The following SHANK2 variants were observed in gnomAD, a reference collection of about 807,000 sequenced individuals.
The protein encoded by SHANK2 is SH3 and multiple ankyrin repeat domains protein 2.
In SHANK2, 43 loss-of-function variants were observed where a neutral mutation model predicts 133.7. That is an observed-to-expected ratio of 0.32 (90% CI 0.25 to 0.41). The LOEUF (loss-of-function observed/expected upper bound fraction) is 0.41, where lower values mean the gene tolerates loss of function less well. Among genes scored for constraint, SHANK2 ranks in the 10% least tolerant of loss-of-function variants. The pLI, the probability that SHANK2 is intolerant of heterozygous loss-of-function variation, is 1.00. For synonymous variants in SHANK2, 1,017 were observed against 952.8 expected (o/e 1.07, Z -1.24); for missense variants, 1,994 against 2,235.8 (o/e 0.89, Z 2.18).
At chr11:70,538,090 G>A (rs782073568) in intron 17 of SHANK2, among the ~76,000 whole-genome samples, 4 of 152,184 alleles carry the variant, frequency 2.6e-5, no homozygotes, top group African/African-American at 7.2e-5. Flanking sequence ...GGGCAGTAGC[G>A]AGCGGTGGAG....
chr11:71,185,758 A>G (rs1555114390), intron 2 of SHANK2, among the ~76,000 whole-genome samples: 1 of 152,128 alleles, frequency 6.6e-6, no homozygotes, highest in African/African-American at 2.4e-5. Flanking sequence ...CCAGCTTTAT[A>G]AAAATGCCTC....
intron 25 of SHANK2, among the ~76,000 whole-genome samples, chr11:70,481,406 C>T (rs1028059361): frequency 4.6e-5 from 7 of 152,226 alleles, no homozygotes; most frequent in African/African-American, 1.7e-4. Context: ...TAATCTTCAG[C>T]TGCTTCCTTT....
chr11:70,843,107 G>A (rs1948934828), intron 11 of SHANK2, among the ~76,000 whole-genome samples: 1 of 152,220 alleles, frequency 6.6e-6, no homozygotes, highest in Non-Finnish European at 1.5e-5. Context: ...TGAGCCCAGA[G>A]CTGAGGCTGG....
intron 11 of SHANK2, among the ~76,000 whole-genome samples, chr11:70,856,655 C>T (rs1442292784): frequency 1.3e-5 from 2 of 152,112 alleles, no homozygotes; most frequent in African/African-American, 4.8e-5. Flanking sequence ...TATTTCCTTG[C>T]CTCTAGGGGG....
chr11:70,690,683 A>G (rs1555020810), intron 15 of SHANK2, among the ~76,000 whole-genome samples: 1 of 141,930 alleles, frequency 7.0e-6, no homozygotes, highest in African/African-American at 2.7e-5. Context: ...AAATATAAAT[A>G]TAAATATAAA....
chr11:70,482,845 C>T (rs1555152057), intron 25 of SHANK2, among the ~76,000 whole-genome samples: 1 of 152,220 alleles, frequency 6.6e-6, no homozygotes, highest in Non-Finnish European at 1.5e-5. Context: ...CTCTCAGGGT[C>T]CCCCTGGAGA....
intron 10 of SHANK2, among the ~76,000 whole-genome samples, chr11:70,916,508 C>A (rs1400695138): frequency 6.6e-6 from 1 of 151,610 alleles, no homozygotes; most frequent in Admixed American, 6.6e-5. Context: ...TGTGCGTGTA[C>A]ACACACACAC....
intron 15 of SHANK2, among the ~76,000 whole-genome samples, chr11:70,687,265 C>A (rs1012266981): frequency 6.6e-6 from 1 of 152,254 alleles, no homozygotes; most frequent in Admixed American, 6.5e-5. Context: ...GGCACCTGAA[C>A]TCCCAGGCCT....
Position 70,894,226 on chromosome 11 carries a change from G to T in SHANK2, c.1174+2275C>A, listed in dbSNP as rs185225980. On this transcript the variant is annotated intron_variant, in intron 11 of 25. Coordinates refer to ENST00000601538, the MANE Select transcript of SHANK2 (RefSeq NM_012309.5). The stretch of plus-strand genomic sequence containing the variant: ...TGTTTTTGTTTTGAGACAGAGTTTA[G>T]CTCTTGTTGCCCAGGCTGTAGTGCA... Among the ~76,000 whole-genome samples, 5 of 152,190 alleles carry T rather than the reference G, an allele frequency of 3.3e-5. No individual in the cohort carries two copies. The East Asian group carries it at 9.7e-4, about 29-fold the overall frequency.
At chr11:70,755,780 G>A (rs576855791) in intron 14 of SHANK2, among the ~76,000 whole-genome samples, 62 of 152,356 alleles carry the variant, frequency 4.1e-4, no homozygotes, top group Non-Finnish European at 4.1e-4. Context: ...GGAAGACACC[G>A]CGCCAGCAGA....
chr11:70,881,561 ATT>A (rs782021912), intron 11 of SHANK2, among the ~76,000 whole-genome samples: 6,484 of 25,180 alleles, frequency 0.26, 228 homozygotes, highest in Middle Eastern at 0.61. Flanking sequence ...TAATAATAAT[ATT>A]AATAATAATA....
At chr11:70,700,391 C>A (rs1361299119) in intron 14 of SHANK2, among the ~76,000 whole-genome samples, 1 of 152,218 alleles carries the variant, frequency 6.6e-6, no homozygotes, top group Non-Finnish European at 1.5e-5. Flanking sequence ...GCACCCTCTG[C>A]CCTCCACTCC....
At chr11:70,951,534 T>C (rs1950842041) in intron 10 of SHANK2, among the ~76,000 whole-genome samples, 1 of 151,228 alleles carries the variant, frequency 6.6e-6, no homozygotes, top group East Asian at 1.9e-4. Context: ...ATGTCATAAA[T>C]TCATTTCCCC....
chr11:70,661,496 CGT>C, intron 16 of SHANK2, 98 bp downstream of exon 16: 1 of 1,095,010 alleles, frequency 9.1e-7, no homozygotes, highest in East Asian at 2.5e-5. Flanking sequence ...TTCATGCAGG[CGT>C]ATACACACAC....
intron 14 of SHANK2, among the ~76,000 whole-genome samples, chr11:70,779,032 G>GCACC (rs1288323778): frequency 1.3e-5 from 2 of 152,024 alleles, no homozygotes; most frequent in African/African-American, 4.8e-5. Context: ...CCCAGAGCAG[G>GCACC]CACCACCACT....
At chr11:70,647,616 A>G (rs1015677581) in intron 17 of SHANK2, 3 of 152,258 alleles carry the variant, frequency 2.0e-5, no homozygotes, top group African/African-American at 7.2e-5. Flanking sequence ...GCTGGCACAC[A>G]GTAGGTGCTC....
chr11:70,950,506 G>A (rs115135327), intron 10 of SHANK2, among the ~76,000 whole-genome samples: 2,249 of 152,294 alleles, frequency 0.015, 61 homozygotes, highest in African/African-American at 0.049. Context: ...CCAGCCTTTT[G>A]TACAAGGGCA....
At chr11:70,775,655 G>A (rs1947347833) in intron 14 of SHANK2, among the ~76,000 whole-genome samples, 3 of 152,232 alleles carry the variant, frequency 2.0e-5, no homozygotes, top group Non-Finnish European at 2.9e-5. Context: ...CCCTGGACCC[G>A]GTGCTCCTAA....
intron 1 of SHANK2, among the ~76,000 whole-genome samples, chr11:71,235,183 G>C (rs534295571): frequency 6.0e-4 from 91 of 152,218 alleles, no homozygotes; most frequent in African/African-American, 2.1e-3. Flanking sequence ...GACTTAGGGT[G>C]GGGGGCCCCA....
Sources: gnomAD v4.1 joint callset for allele counts (sites outside exome capture counted in the v4.1 genomes callset) on GRCh38, gnomAD v4.1.1 for gene constraint, MANE v1.5 for transcripts, NCBI Gene and HGNC (gene_info 2026-07-23, HGNC 2026-07-21) for gene names.